Variants in LHFPL3 observed in about 807,000 individuals in gnomAD.
LHFPL3 encodes the protein LHFPL tetraspan subfamily member 3, also known as LHFPL tetraspan subfamily member 3 protein.
A neutral mutation model predicts 19.3 loss-of-function variants in LHFPL3; 5 were observed. The ratio of observed to expected loss-of-function variants is 0.26; its 90% CI spans 0.14 to 0.54. LHFPL3 has a LOEUF of 0.54. Among genes scored for constraint, LHFPL3 ranks in the 20% least tolerant of loss-of-function variants. The pLI is 0.94. For missense variants in LHFPL3, 249 were observed against 307.4 expected, an observed-to-expected ratio of 0.81 and a Z score of 1.42; for synonymous variants, 133 against 126.2, an observed-to-expected ratio of 1.05 and a Z score of -0.36.
chr7:104,349,129 A>T (rs1365465011), intron 1 of LHFPL3, among the ~76,000 whole-genome samples: 3 of 152,220 alleles, frequency 2.0e-5, no homozygotes, highest in African/African-American at 7.2e-5. Context: ...AAACCTATAT[A>T]GGTAGAGAAA....
At chr7:104,346,552 T>C (rs981634999) in intron 1 of LHFPL3, among the ~76,000 whole-genome samples, 1 of 152,254 alleles carries the variant, frequency 6.6e-6, no homozygotes, top group East Asian at 1.9e-4. Flanking sequence ...AAATGACTAC[T>C]CAAAACTCAT....
At chr7:104,600,159 T>C (rs1790935861) in intron 1 of LHFPL3, among the ~76,000 whole-genome samples, 1 of 152,176 alleles carries the variant, frequency 6.6e-6, no homozygotes, top group Non-Finnish European at 1.5e-5. Context: ...AAAAACATGT[T>C]GAGGGGAGAG....
At chr7:104,621,619 C>T (rs1408283573) in intron 1 of LHFPL3, among the ~76,000 whole-genome samples, 2 of 152,158 alleles carry the variant, frequency 1.3e-5, no homozygotes, top group Non-Finnish European at 2.9e-5. Flanking sequence ...ATCATATTGC[C>T]GTCTGTGGAG....
Position 104,548,815 on chromosome 7 carries a change from C to A in LHFPL3, c.446-187860C>A, listed in dbSNP as rs1420423529. Among the ~76,000 whole-genome samples, 4 of 152,248 alleles carry A rather than the reference C, an allele frequency of 2.6e-5. No homozygotes were observed. The East Asian group carries it at 7.7e-4, about 29-fold the overall frequency. ...ACAAGTACTAACAGCCAACTATGAA[C>A]CAGCCTAGGGAGGATTTGAGGCAAC... On this transcript the variant is annotated intron_variant, in intron 1 of 2. Coordinates refer to ENST00000424859, the MANE Select transcript of LHFPL3 (RefSeq NM_199000.3).
chr7:104,376,582 A>G (rs1207242805), intron 1 of LHFPL3, among the ~76,000 whole-genome samples: 1 of 152,180 alleles, frequency 6.6e-6, no homozygotes, highest in East Asian at 1.9e-4. Flanking sequence ...GATGGGCCTG[A>G]ACTGGCAGGG....
intron 2 of LHFPL3, among the ~76,000 whole-genome samples, chr7:104,761,637 T>C (rs1794373138): frequency 6.6e-6 from 1 of 152,156 alleles, no homozygotes; most frequent in Non-Finnish European, 1.5e-5. Flanking sequence ...GAGTTCTCTC[T>C]CTTTACCGTA....
intron 2 of LHFPL3, among the ~76,000 whole-genome samples, chr7:104,792,241 G>A (rs1224098878): frequency 1.3e-5 from 2 of 152,150 alleles, no homozygotes; most frequent in Non-Finnish European, 2.9e-5. Context: ...ATGAATAGAA[G>A]TGTGTGCCTG....
chr7:104,464,035 G>A (rs757659925), intron 1 of LHFPL3, among the ~76,000 whole-genome samples: 1 of 152,168 alleles, frequency 6.6e-6, no homozygotes, highest in Non-Finnish European at 1.5e-5. Context: ...AAACAAGTTA[G>A]TTACTTCCTA....
At chr7:104,668,345 G>T (rs1319770633) in intron 1 of LHFPL3, 19 of 1,594,324 alleles carry the variant, frequency 1.2e-5, no homozygotes, top group Middle Eastern at 4.3e-4. Flanking sequence ...ATACAGACTG[G>T]AGGGCTCGTC....
chr7:104,524,895 T>G, intron 1 of LHFPL3, among the ~76,000 whole-genome samples: 1 of 152,226 alleles, frequency 6.6e-6, no homozygotes, highest in East Asian at 1.9e-4. Flanking sequence ...TTATTCATTT[T>G]TTTCTGGTTT....
chr7:104,395,253 A>G (rs933331379), intron 1 of LHFPL3, among the ~76,000 whole-genome samples: 2 of 152,198 alleles, frequency 1.3e-5, no homozygotes, highest in Non-Finnish European at 1.5e-5. Flanking sequence ...AATTAAATCT[A>G]ACTTTTTCCT....
At chr7:104,594,282 T>C (rs1165590884) in intron 1 of LHFPL3, among the ~76,000 whole-genome samples, 1 of 152,192 alleles carries the variant, frequency 6.6e-6, no homozygotes, top group Admixed American at 6.5e-5. Context: ...ATTTTATTTC[T>C]CCTTCAATTA....
chr7:104,886,495 G>T (rs1320636109), intron 2 of LHFPL3, among the ~76,000 whole-genome samples: 4 of 152,102 alleles, frequency 2.6e-5, no homozygotes, highest in African/African-American at 9.7e-5. Flanking sequence ...CTCCCGAGTA[G>T]TTGGGATTAC....
chr7:104,890,843 C>T (rs1792230667), intron 2 of LHFPL3, among the ~76,000 whole-genome samples: 1 of 152,168 alleles, frequency 6.6e-6, no homozygotes, highest in South Asian at 2.1e-4. Flanking sequence ...CTGTGAGGTG[C>T]TGCCAATACT....
At chr7:104,645,352 T>C (rs939258509) in intron 1 of LHFPL3, among the ~76,000 whole-genome samples, 2 of 152,148 alleles carry the variant, frequency 1.3e-5, no homozygotes, top group Non-Finnish European at 2.9e-5. Context: ...ATTTTTGCTT[T>C]CAAAAAGGGA....
intron 1 of LHFPL3, among the ~76,000 whole-genome samples, chr7:104,492,524 C>T (rs1361061165): frequency 6.6e-6 from 1 of 152,244 alleles, no homozygotes; most frequent in Non-Finnish European, 1.5e-5. Flanking sequence ...TTGCCTGGCA[C>T]ATCCTAACTA....
At chr7:104,879,551 C>G (rs550440634) in intron 2 of LHFPL3, among the ~76,000 whole-genome samples, 4 of 152,280 alleles carry the variant, frequency 2.6e-5, no homozygotes, top group African/African-American at 9.6e-5. Flanking sequence ...AAGATCCCAT[C>G]TCCACAAAAT....
intron 1 of LHFPL3, among the ~76,000 whole-genome samples, chr7:104,517,472 CAT>C (rs1198916826): frequency 1.3e-5 from 2 of 148,518 alleles, no homozygotes; most frequent in Non-Finnish European, 3.0e-5. Flanking sequence ...TGATTTTTAA[CAT>C]ATGACTCAAA....
intron 1 of LHFPL3, among the ~76,000 whole-genome samples, chr7:104,567,359 ACTT>A (rs1178452418): frequency 7.9e-5 from 12 of 152,248 alleles, no homozygotes; most frequent in Non-Finnish European, 5.9e-5. Context: ...CTTGACAGAG[ACTT>A]CTTCAGGAGG....
Sources: allele counts gnomAD v4.1 joint callset (sites outside exome capture counted in the v4.1 genomes callset), GRCh38; gene constraint gnomAD v4.1.1; transcripts MANE v1.5; gene names NCBI Gene and HGNC (gene_info 2026-07-23, HGNC 2026-07-21).